Variants in ANKRD27 observed in about 807,000 individuals in gnomAD.
ANKRD27 encodes ankyrin repeat domain-containing protein 27.
In ANKRD27, 112 loss-of-function variants were observed where a neutral mutation model predicts 129.7. That is an observed-to-expected ratio of 0.86 (90% CI 0.74 to 1.01). The LOEUF is 1.01. ANKRD27 is among the 50% of genes least tolerant of loss of function. The probability of loss-of-function intolerance (pLI) is 0.00; values close to 1 mark genes in which losing one functional copy is unlikely to be tolerated. For missense variants in ANKRD27, 1,258 were observed against 1,300.5 expected, an observed-to-expected ratio of 0.97 and a Z score of 0.50; for synonymous variants, 516 against 511.2, an observed-to-expected ratio of 1.01 and a Z score of -0.13.
At chr19:32,618,164 A>G (rs1971951016) in intron 20 of ANKRD27, among the ~76,000 whole-genome samples, 2 of 151,544 alleles carry the variant, frequency 1.3e-5, no homozygotes, top group Admixed American at 1.3e-4. Context: ...ATAAACTGTA[A>G]CTTTATCAGT....
At chr19:32,599,125 CA>C (rs892725843) in intron 28 of ANKRD27, among the ~76,000 whole-genome samples, 1 of 151,980 alleles carries the variant, frequency 6.6e-6, no homozygotes, top group Non-Finnish European at 1.5e-5. Flanking sequence ...ACTAAAAATA[CA>C]AAAAAATTAG....
At chr19:32,619,116 C>T (rs954669962) in intron 20 of ANKRD27, 144 bp downstream of exon 20, 38 of 1,154,660 alleles carry the variant, frequency 3.3e-5, no homozygotes, top group Middle Eastern at 3.0e-4. Context: ...GCACCAACCT[C>T]GGCCACCACA....
Position 32,644,464 on chromosome 19 carries a change from G to C in ANKRD27, c.386C>G (p.Pro129Arg). The change falls in exon 5 of 29, where the codon CCC (proline) becomes CGC (arginine). Residue 129 changes from proline to arginine, a missense_variant. Coordinates refer to ENST00000306065, the MANE Select transcript of ANKRD27 (RefSeq NM_032139.3). ...GGTTTTCAGGGAAAAGGGATCTGAG[G>C]GTGCCAAAGGCTCTTCTGAAAAAGA... is the stretch of plus-strand genomic sequence containing the variant. ...KRESSEEPLAPSDPFSLKTIE... is the reference protein window; with the variant it reads ...KRESSEEPLARSDPFSLKTIE... 1 of 1,613,710 alleles carries C rather than the reference G, an allele frequency of 6.2e-7. No homozygotes were observed. Among genetic ancestry groups the C allele is most frequent in the East Asian group, 2.2e-5 (1 of 44,878 alleles).
In ANKRD27 at chr19:32,643,323, C is replaced by T. The variant is rs144590411; in HGVS notation, c.669G>A (p.Leu223=). The T allele has an allele frequency of 2.6e-3, 4,164 of 1,613,930 alleles. 12 individuals are homozygous for T. The highest frequency in any genetic ancestry group is 2.8e-3 in the Non-Finnish European group (3,305 of 1,180,012). ...EIYVHHEIYN[L]IFKYVGTMEA... ...CCATGGTCCCCACGTATTTAAAGAT[C>T]AGGTTGTAAATTTCATGATGGACGT... Residue 223 remains leucine (L), a synonymous_variant, in exon 8 of 29, where the codon CTG becomes CTA. Coordinates refer to ENST00000306065, the MANE Select transcript of ANKRD27 (RefSeq NM_032139.3).
At chr19:32,642,302 C>T (rs937425443) in intron 9 of ANKRD27, among the ~76,000 whole-genome samples, 157 bp from the exon 10 acceptor site, 4 of 151,814 alleles carry the variant, frequency 2.6e-5, no homozygotes, top group African/African-American at 7.3e-5. Flanking sequence ...CTCAAGTCAG[C>T]GGCAAAACAG....
rs1035963109 is a variant in ANKRD27 at position 32,598,021 on chromosome 19, G to C, written c.*124C>G. On this transcript the variant is annotated 3_prime_UTR_variant, in exon 29 of 29. Transcript: ENST00000306065. ...GCCACAGAAAAGCTTTCAGGAACTT[G>C]GTGCTGAAGACTTCTCAAGCCAGTC... 2.3e-5 allele frequency: 19 copies of C among 833,044 alleles called. No individual in the cohort carries two copies. The highest frequency in any genetic ancestry group is 3.0e-5 in the Non-Finnish European group (16 of 527,636). The allele number at this position is 833,044 out of a possible 1,614,324, so 51.6% of individuals were successfully genotyped here. A position where few individuals can be genotyped will look rare whatever the true frequency, so the allele number is the denominator to read the frequency against.
In ANKRD27 at chr19:32,625,893, C is replaced by T; in HGVS notation, c.1610G>A (p.Cys537Tyr). 1 of 1,607,880 alleles carries T rather than the reference C, an allele frequency of 6.2e-7. No individual in the cohort carries two copies. The highest frequency in any genetic ancestry group is 8.5e-7 in the Non-Finnish European group (1 of 1,178,010). ...ACTCACGTCCTCGTGGCCGTAGGTG[C>T]AGGCCAGGTGGAGTGGCGTATTCCC... ...NNGNTPLHLACTYGHEDCVKA... is the reference protein window; with the variant it reads ...NNGNTPLHLAYTYGHEDCVKA... Residue 537 changes from cysteine (C) to tyrosine (Y), a missense_variant, in exon 17 of 29, where the codon TGC becomes TAC. Physicochemically the swap from Cys to Tyr is radical, Grantham distance 194. Coordinates refer to ENST00000306065, the MANE Select transcript of ANKRD27 (RefSeq NM_032139.3).
Position 32,622,637 on chromosome 19 carries a change from A to C in ANKRD27, c.1630-18T>G, listed in dbSNP as rs1199754556. 6.2e-7 allele frequency: 1 copy of C among 1,612,392 alleles called. No homozygotes were observed. Among genetic ancestry groups the C allele is most frequent in the East Asian group, 2.2e-5 (1 of 44,856 alleles). ...TTCACACACTGCAAAGAGATGGGGA[A>C]ATGGCATCGCTCATGGATGTACCAA... is the stretch of plus-strand genomic sequence containing the variant. On this transcript the variant is annotated intron_variant, in intron 17 of 28. Coordinates refer to ENST00000306065, the MANE Select transcript of ANKRD27 (RefSeq NM_032139.3).
intron 17 of ANKRD27, among the ~76,000 whole-genome samples, chr19:32,623,148 A>G (rs1389637568): frequency 6.8e-6 from 1 of 147,404 alleles, no homozygotes; most frequent in Non-Finnish European, 1.5e-5. Context: ...AGTGGCTGCA[A>G]AAACTGTGAT....
chr19:32,608,473 T>C (rs1971784382), intron 22 of ANKRD27: 3 of 283,516 alleles, frequency 1.1e-5, no homozygotes, highest in Non-Finnish European at 2.2e-5. Context: ...GTGAGAATAA[T>C]TTTACTTTTT....
intron 22 of ANKRD27, among the ~76,000 whole-genome samples, chr19:32,612,580 A>C (rs917796738): frequency 5.3e-5 from 8 of 152,214 alleles, no homozygotes; most frequent in Non-Finnish European, 8.8e-5. Context: ...TCAGTCATCA[A>C]GACAGCGCGG....
intron 24 of ANKRD27, among the ~76,000 whole-genome samples, chr19:32,604,730 A>G (rs8109990): frequency 0.19 from 29,193 of 152,050 alleles, 3,512 homozygotes; most frequent in East Asian, 0.33. Flanking sequence ...GTTTGAGTAA[A>G]TAAGTTTCTA....
At chr19:32,600,871 T>C (rs1321378013) in intron 26 of ANKRD27, among the ~76,000 whole-genome samples, 1 of 152,128 alleles carries the variant, frequency 6.6e-6, no homozygotes, top group East Asian at 1.9e-4. Flanking sequence ...ATATTTCATA[T>C]TGTAAATTAA....
chr19:32,628,310 G>A, intron 14 of ANKRD27, 145 bp from the exon 15 acceptor site: 1 of 676,718 alleles, frequency 1.5e-6, no homozygotes, highest in South Asian at 1.8e-5. Context: ...CACTGTCCCA[G>A]TGCTCACCCA....
rs762255312 is a variant in ANKRD27 at position 32,602,028 on chromosome 19, C to A, written c.2754G>T (p.Lys918Asn). 6.2e-7 allele frequency: 1 copy of A among 1,611,746 alleles called. No homozygotes were observed. The highest frequency in any genetic ancestry group is 8.5e-7 in the Non-Finnish European group (1 of 1,178,638). ...ETDRKEYVTV[K>N]IRKKWNSKLY... The stretch of plus-strand genomic sequence containing the variant: ...GTAAACTCTTACATTTTTTCCTGAT[C>A]TTAACAGTGACATACTCCTTGCGGT... The change falls in exon 26 of 29, where the codon AAG becomes AAT. Residue 918 changes from lysine to asparagine, a missense_variant. Lys to Asn is a moderately conservative substitution (Grantham distance 94). Coordinates refer to ENST00000306065, the MANE Select transcript of ANKRD27 (RefSeq NM_032139.3).
At chr19:32,644,597 C>T (rs749649339) in intron 4 of ANKRD27, 118 bp from the exon 5 acceptor site, 2 of 1,209,184 alleles carry the variant, frequency 1.7e-6, no homozygotes, top group Non-Finnish European at 2.3e-6. Context: ...TTTCAAGACA[C>T]TACACAAGAA....
At position 32,602,116 on chromosome 19, in the gene ANKRD27, A is replaced by G; in HGVS notation, c.2666T>C (p.Ile889Thr). ...AVDCAEQNSK[I>T]MELLQVVPSC... ...TGGTACCACCTGAAGCAATTCCATT[A>G]TTTTTGAATTCTGCAATTTGAAAGG... The change falls in exon 26 of 29, where the codon ATA (isoleucine) becomes ACA (threonine). Residue 889 changes from isoleucine to threonine, a missense_variant. By Grantham distance (89) the Ile-to-Thr change is moderately conservative (BLOSUM62 -1). Transcript: ENST00000306065. The G allele has an allele frequency of 6.2e-7, 1 of 1,607,076 alleles. No individual in the cohort carries two copies. Among genetic ancestry groups the G allele is most frequent in the Non-Finnish European group, 8.5e-7 (1 of 1,174,786 alleles).
At chr19:32,668,475 C>CTTT (rs71176144) in intron 1 of ANKRD27, among the ~76,000 whole-genome samples, 1 of 141,672 alleles carries the variant, frequency 7.1e-6, no homozygotes, top group Non-Finnish European at 1.5e-5. Context: ...TTATCTTCAT[C>CTTT]TTTTTTTTTT....
intron 1 of ANKRD27, among the ~76,000 whole-genome samples, chr19:32,666,613 T>A (rs1346122755): frequency 6.7e-6 from 1 of 148,506 alleles, no homozygotes; most frequent in Non-Finnish European, 1.5e-5. Context: ...GCCTACAAAA[T>A]GGGCACAGAA....
Sources: gnomAD v4.1 joint callset for allele counts (sites outside exome capture counted in the v4.1 genomes callset) on GRCh38, gnomAD v4.1.1 for gene constraint, MANE v1.5 for transcripts, NCBI Gene and HGNC (gene_info 2026-07-23, HGNC 2026-07-21) for gene names.